Variants in RNF20 observed in about 807,000 individuals in gnomAD.
The protein encoded by RNF20 is ring finger protein 20.
In RNF20, 84 loss-of-function variants were observed where a neutral mutation model predicts 126.2. That is an observed-to-expected ratio of 0.67 (90% confidence interval 0.56 to 0.80). The LOEUF (loss-of-function observed/expected upper bound fraction) is 0.80, where lower values mean the gene tolerates loss of function less well. RNF20 is among the 30% of genes least tolerant of loss of function. The pLI is 0.00. For synonymous variants in RNF20, 400 were observed against 414.3 expected, an observed-to-expected ratio of 0.97 and a Z score of 0.42; for missense variants, 869 against 1,188.2, an observed-to-expected ratio of 0.73 and a Z score of 3.95.
At chr9:101,561,036 C>T in intron 17 of RNF20, 54 bp from the exon 18 acceptor site, 2 of 1,603,250 alleles carry the variant, frequency 1.2e-6, no homozygotes, top group East Asian at 2.2e-5. Flanking sequence ...CATTTTGCCT[C>T]ACTGGCAATA....
chr9:101,548,540 A>G (rs1312789236), intron 9 of RNF20, among the ~76,000 whole-genome samples: 2 of 152,240 alleles, frequency 1.3e-5, no homozygotes, highest in African/African-American at 4.8e-5. Flanking sequence ...ATGATTTCAC[A>G]GTGTATATGT....
chr9:101,538,194 G>C (rs1354479776), intron 2 of RNF20, among the ~76,000 whole-genome samples: 1 of 152,176 alleles, frequency 6.6e-6, no homozygotes, highest in Admixed American at 6.5e-5. Context: ...GTACAAGTAA[G>C]ACTAAATGTG....
intron 13 of RNF20, 117 bp downstream of exon 13, chr9:101,552,870 C>T: frequency 2.7e-6 from 3 of 1,092,804 alleles, no homozygotes; most frequent in Non-Finnish European, 3.9e-6. Context: ...TTAGATTGTA[C>T]AATTAATTTG....
rs569294250 is a variant in RNF20, at chr9:101,533,862, C to T, written c.-79C>T. 2.6e-5 allele frequency: 4 copies of T among 152,728 alleles called. No individual in the cohort carries two copies. The highest frequency in any genetic ancestry group is 2.1e-4 in the South Asian group (1 of 4,834). The allele number at this position is 152,728 out of a possible 1,614,324, so 9.5% of individuals were successfully genotyped here. ...TGGCCCCGCCTCCCGGAAGTTCTGC[C>T]TTGTCTCCGCCGCGGGTCAGGGGTG... On this transcript the variant is annotated 5_prime_UTR_variant, in exon 1 of 20. Coordinates refer to ENST00000389120, the MANE Select transcript of RNF20 (RefSeq NM_019592.7).
At chr9:101,557,336 G>A (rs775095794) in intron 15 of RNF20, 48 bp from the exon 16 acceptor site, 2 of 1,381,698 alleles carry the variant, frequency 1.4e-6, no homozygotes, top group Non-Finnish European at 2.1e-6. Flanking sequence ...CTCTTCCATT[G>A]AAGTTGGAAG....
intron 17 of RNF20, 75 bp downstream of exon 17, chr9:101,561,001 G>C (rs924411602): frequency 6.3e-7 from 1 of 1,597,384 alleles, no homozygotes; most frequent in Non-Finnish European, 8.5e-7. Context: ...TTGTAAGTTC[G>C]CTTTATTCCT....
Position 101,552,406 on chromosome 9 carries a change from C to T in RNF20, c.1554C>T (p.Ala518=), listed in dbSNP as rs765900188. Reference sequence around the variant, plus strand: ...AGACACGCCTGCGTAGTGGTAGTGCCCTCCTGCAGTCCCAGTCTAGTACTG... The same window carrying T: ...AGACACGCCTGCGTAGTGGTAGTGCTCTCCTGCAGTCCCAGTCTAGTACTG... ...LNKTRLRSGS[A]LLQSQSSTED... The change falls in exon 13 of 20, where the codon GCC becomes GCT. Residue 518 remains alanine, a synonymous_variant. Transcript: ENST00000389120. 3 of 1,605,024 alleles carry T rather than the reference C, an allele frequency of 1.9e-6. No homozygotes were observed. Among genetic ancestry groups the T allele is most frequent in the Non-Finnish European group, 2.6e-6 (3 of 1,173,906 alleles).
At chr9:101,555,233 A>G (rs1051427845) in intron 15 of RNF20, among the ~76,000 whole-genome samples, 4 of 151,890 alleles carry the variant, frequency 2.6e-5, no homozygotes, top group Non-Finnish European at 5.9e-5. Flanking sequence ...TAAGAAAACT[A>G]TGCTTATAAA....
intron 15 of RNF20, among the ~76,000 whole-genome samples, chr9:101,556,983 A>G (rs1019509244): frequency 7.9e-5 from 12 of 152,360 alleles, no homozygotes; most frequent in Admixed American, 3.9e-4. Flanking sequence ...GTCTTCACCT[A>G]TCAGATTGTT....
intron 5 of RNF20, among the ~76,000 whole-genome samples, chr9:101,544,518 C>G (rs190765504): frequency 6.6e-6 from 1 of 152,218 alleles, no homozygotes; most frequent in East Asian, 1.9e-4. Context: ...CCAGCCTGTC[C>G]GACATGGTGA....
At chr9:101,554,217 A>C (rs1277873014) in intron 14 of RNF20, 112 bp downstream of exon 14, 1 of 625,354 alleles carries the variant, frequency 1.6e-6, no homozygotes, top group Non-Finnish European at 2.8e-6. Flanking sequence ...ATAAGTGTTT[A>C]AGTGCAACAT....
In RNF20 at chr9:101,540,474, A is replaced by G. The variant is rs199665581; in HGVS notation, c.298-16A>G. ...GTGTCCTTTGTTTCTTCATAATTGT[A>G]CCTACCCTTCTCCAGTTTGATGAAA... On this transcript the variant is annotated splice_polypyrimidine_tract_variant and intron_variant, in intron 3 of 19. Transcript: ENST00000389120. The G allele has an allele frequency of 3.2e-5, 51 of 1,613,096 alleles. No individual in the cohort carries two copies. The highest frequency in any genetic ancestry group is 8.3e-5 in the Admixed American group (5 of 59,968).
chr9:101,550,913 A>T, intron 10 of RNF20, 128 bp downstream of exon 10: 1 of 857,324 alleles, frequency 1.2e-6, no homozygotes, highest in Non-Finnish European at 2.0e-6. Flanking sequence ...GTAGGTCTTT[A>T]CTCTGGTAGG....
Position 101,551,841 on chromosome 9 carries a change from G to T in RNF20, c.1408+22G>T, listed in dbSNP as rs112270479. 169 of 1,588,502 alleles carry T rather than the reference G, an allele frequency of 1.1e-4. 4 individuals carry two copies. The African/African-American group carries it at 1.7e-3, about 16-fold the overall frequency. On this transcript the variant is annotated intron_variant, in intron 11 of 19. Transcript: ENST00000389120. Reference sequence around the variant, plus strand: ...GCAGGTATAATGATTCTCACTCCATGCTGTAGTTTGCTCTTAATACCTTCC... The same window carrying T: ...GCAGGTATAATGATTCTCACTCCATTCTGTAGTTTGCTCTTAATACCTTCC...
Position 101,554,086 on chromosome 9 carries a change from A to T in RNF20, c.2000A>T (p.Glu667Val). The T allele has an allele frequency of 6.2e-7, 1 of 1,607,946 alleles. No individual in the cohort carries two copies. Among genetic ancestry groups the T allele is most frequent in the Non-Finnish European group, 8.5e-7 (1 of 1,174,454 alleles). Residue 667 changes from glutamate to valine, a missense_variant, in exon 14 of 20, where the codon GAG (glutamate) becomes GTG (valine). Transcript: ENST00000389120. ...GACAAAGTTCAGCTGATGGCAGCTG[A>T]GAAGAAGTCTAAGGCAGAGGTATTC... is the stretch of plus-strand genomic sequence containing the variant. ...QRDKVQLMAA[E>V]KKSKAELEDL...
chr9:101,557,262 T>G (rs1197895371), intron 15 of RNF20, 122 bp from the exon 16 acceptor site: 3 of 709,288 alleles, frequency 4.2e-6, no homozygotes, highest in African/African-American at 1.8e-5. Context: ...ACACAACTTC[T>G]TAAAACTCTG....
intron 12 of RNF20, 37 bp from the exon 13 acceptor site, chr9:101,552,346 T>A: frequency 6.2e-7 from 1 of 1,609,918 alleles, no homozygotes; most frequent in Non-Finnish European, 8.5e-7. Context: ...GTGGTTATCA[T>A]AAGAGATGTG....
At chr9:101,559,009 T>C (rs1827583759) in intron 16 of RNF20, among the ~76,000 whole-genome samples, 1 of 152,144 alleles carries the variant, frequency 6.6e-6, no homozygotes, top group African/African-American at 2.4e-5. Context: ...CCAATATTGC[T>C]TTCTAGAATT....
At chr9:101,540,009 A>G (rs533458931) in intron 2 of RNF20, among the ~76,000 whole-genome samples, 194 bp from the exon 3 acceptor site, 1 of 152,170 alleles carries the variant, frequency 6.6e-6, no homozygotes, top group Admixed American at 6.6e-5. Context: ...TGTGTGTATT[A>G]TTCTTTCCTC....
Sources: allele counts gnomAD v4.1 joint callset (sites outside exome capture counted in the v4.1 genomes callset), GRCh38; gene constraint gnomAD v4.1.1; transcripts MANE v1.5; gene names NCBI Gene and HGNC (gene_info 2026-07-23, HGNC 2026-07-21).